ZC3H12B: variants seen among roughly 807,000 people sequenced by gnomAD.
The protein encoded by ZC3H12B is probable ribonuclease ZC3H12B.
In ZC3H12B, 7 loss-of-function variants were observed where a neutral mutation model predicts 43.9. The observed-to-expected ratio is 0.16, with a 90% CI of 0.09 to 0.30. The LOEUF (loss-of-function observed/expected upper bound fraction) is 0.30, where lower values mean the gene tolerates loss of function less well. Among genes scored for constraint, ZC3H12B ranks in the 10% least tolerant of loss-of-function variants. The probability of loss-of-function intolerance (pLI) is 1.00; values close to 1 mark genes in which losing one functional copy is unlikely to be tolerated. For missense variants in ZC3H12B, 475 were observed against 670.2 expected, an observed-to-expected ratio of 0.71 and a Z score of 3.22; for synonymous variants, 222 against 241.7, an observed-to-expected ratio of 0.92 and a Z score of 0.76.
the ZC3H12B span, among the ~76,000 whole-genome samples, chrX:65,171,095 T>A: frequency 1.8e-5 from 2 of 110,904 alleles, no homozygotes; most frequent in Non-Finnish European, 3.8e-5. Flanking sequence ...AGGAGCTGTG[T>A]TTTTTTGGAG....
chrX:65,176,794 A>C, the ZC3H12B span, among the ~76,000 whole-genome samples: 1 of 111,638 alleles, frequency 9.0e-6, no homozygotes, highest in African/African-American at 3.3e-5. Flanking sequence ...CTAATAGCCT[A>C]CCAACCAAAA....
the ZC3H12B span, among the ~76,000 whole-genome samples, chrX:65,275,143 C>A: frequency 8.9e-6 from 1 of 112,924 alleles, no homozygotes; most frequent in East Asian, 2.8e-4. Flanking sequence ...GCCCCACTGG[C>A]CAGCTAAGCA....
the ZC3H12B span, among the ~76,000 whole-genome samples, chrX:65,193,890 G>T: frequency 3.6e-5 from 4 of 111,334 alleles, no homozygotes; most frequent in Non-Finnish European, 5.6e-5. Flanking sequence ...TTGGCTCATG[G>T]CTCCACAGGG....
the ZC3H12B span, among the ~76,000 whole-genome samples, chrX:65,180,534 TCTC>T: frequency 9.0e-6 from 1 of 111,113 alleles, no homozygotes; most frequent in African/African-American, 3.3e-5. Flanking sequence ...CAGCCGAAAA[TCTC>T]CTTAAGCTGA....
At chrX:65,433,241 G>T (rs775612516) in intron 3 of ZC3H12B, among the ~76,000 whole-genome samples, 1 of 111,984 alleles carries the variant, frequency 8.9e-6, no homozygotes, top group African/African-American at 3.2e-5. Context: ...TTCTTCACTG[G>T]GCAAATAGGC....
the ZC3H12B span, among the ~76,000 whole-genome samples, chrX:65,290,742 A>G: frequency 8.7e-4 from 97 of 111,574 alleles, no homozygotes; most frequent in Non-Finnish European, 1.6e-3. Flanking sequence ...TAAGTGAAAT[A>G]AGCCAGGCAC....
the ZC3H12B span, among the ~76,000 whole-genome samples, chrX:65,137,903 A>T: frequency 8.9e-6 from 1 of 112,453 alleles, no homozygotes; most frequent in Non-Finnish European, 1.9e-5. Context: ...ATCTCGGCCC[A>T]CTGCAACCTT....
At chrX:65,186,570 G>A in the ZC3H12B span, 1 of 107,584 alleles carries the variant, frequency 9.3e-6, no homozygotes, top group African/African-American at 3.4e-5. Flanking sequence ...TTGTGGAACA[G>A]GTGGTGTTTG....
At chrX:65,507,158 A>C (rs964060082) in exon 5 of ZC3H12B, 4 of 112,356 alleles carry the variant, frequency 3.6e-5, no homozygotes, top group African/African-American at 1.3e-4. Context: ...TGCTGTAAGT[A>C]TGGGACTTTG....
At chrX:65,144,173 C>T in the ZC3H12B span, among the ~76,000 whole-genome samples, 1 of 111,454 alleles carries the variant, frequency 9.0e-6, no homozygotes, top group Non-Finnish European at 1.9e-5. Flanking sequence ...ATTTCAATCT[C>T]ACTGCTTTTT....
chrX:65,290,766 C>T, the ZC3H12B span, among the ~76,000 whole-genome samples: 1 of 110,993 alleles, frequency 9.0e-6, no homozygotes, highest in Non-Finnish European at 1.9e-5. Context: ...AAGACAAATG[C>T]CACATATTCT....
chrX:65,121,130 G>A, the ZC3H12B span, among the ~76,000 whole-genome samples: 1 of 110,993 alleles, frequency 9.0e-6, no homozygotes, highest in Non-Finnish European at 1.9e-5. Flanking sequence ...TTGTGTCTCT[G>A]CCCGGCTTTG....
the ZC3H12B span, among the ~76,000 whole-genome samples, chrX:65,151,711 A>G: frequency 3.6e-5 from 4 of 111,829 alleles, no homozygotes; most frequent in Non-Finnish European, 5.6e-5. Context: ...AAAAAGAAGG[A>G]ATCCTCCCTA....
the ZC3H12B span, among the ~76,000 whole-genome samples, chrX:65,166,773 A>G: frequency 3.6e-5 from 4 of 111,560 alleles, no homozygotes; most frequent in African/African-American, 1.3e-4. Flanking sequence ...TGTGGTTTTG[A>G]TTTGCATTTC....
intron 2 of ZC3H12B, among the ~76,000 whole-genome samples, chrX:65,396,777 G>A (rs1314550912): frequency 2.7e-5 from 3 of 110,547 alleles, no homozygotes; most frequent in African/African-American, 9.9e-5. Flanking sequence ...CTGTCTCATT[G>A]ATCTGTCTAA....
the ZC3H12B span, among the ~76,000 whole-genome samples, chrX:65,302,492 C>T: frequency 7.0e-3 from 782 of 111,250 alleles, 22 homozygotes; most frequent in Admixed American, 0.052. Context: ...CTATGAAACT[C>T]TGATGAAAAA....
chrX:65,435,741 G>A (rs1164908749), intron 3 of ZC3H12B, among the ~76,000 whole-genome samples: 1 of 111,006 alleles, frequency 9.0e-6, no homozygotes, highest in Admixed American at 9.7e-5. Flanking sequence ...ATGAAAATGG[G>A]CTCACACTAT....
At chrX:65,393,910 T>C (rs1027929729) in intron 2 of ZC3H12B, among the ~76,000 whole-genome samples, 2 of 112,381 alleles carry the variant, frequency 1.8e-5, no homozygotes, top group Non-Finnish European at 1.9e-5. Flanking sequence ...TGTGAGATGG[T>C]GTTGCATTGT....
At chrX:65,148,571 T>C in the ZC3H12B span, among the ~76,000 whole-genome samples, 4 of 111,117 alleles carry the variant, frequency 3.6e-5, no homozygotes, top group Admixed American at 1.9e-4. Context: ...TGCACAGCAC[T>C]GGGCTTTGTT....
Sources: allele counts gnomAD v4.1 joint callset (sites outside exome capture counted in the v4.1 genomes callset), GRCh38; gene constraint gnomAD v4.1.1; transcripts MANE v1.5; gene names NCBI Gene and HGNC (gene_info 2026-07-23, HGNC 2026-07-21).